GABPB1: variants seen among roughly 807,000 people sequenced by gnomAD.
The protein encoded by GABPB1 is GA binding protein transcription factor subunit beta 1.
Under a neutral mutation model 45.9 loss-of-function variants are expected in GABPB1, and 15 were observed. That is an observed-to-expected ratio of 0.33 (90% confidence interval 0.22 to 0.50). The LOEUF (loss-of-function observed/expected upper bound fraction) is 0.50. GABPB1 is among the 20% of genes least tolerant of loss of function. The pLI is 0.98. For synonymous variants in GABPB1, 143 were observed against 154.4 expected (o/e 0.93, Z 0.55); for missense variants, 252 against 457.5 (o/e 0.55, Z 4.10).
At chr15:50,318,160 CA>C (rs1279933890) in intron 1 of GABPB1, among the ~76,000 whole-genome samples, 1 of 152,128 alleles carries the variant, frequency 6.6e-6, no homozygotes. Context: ...CTCCACTTTG[CA>C]GAGGAAGCAA....
intron 1 of GABPB1, chr15:50,349,806 T>C (rs1429279486): frequency 6.6e-6 from 1 of 152,236 alleles, no homozygotes; most frequent in Non-Finnish European, 1.5e-5. Flanking sequence ...AAAAGTTACA[T>C]CTTAATATCT....
At chr15:50,300,724 T>C in intron 6 of GABPB1, 65 bp downstream of exon 6, 1 of 979,076 alleles carries the variant, frequency 1.0e-6, no homozygotes, top group South Asian at 1.3e-5. Context: ...GGATTACAGG[T>C]GTGAGCCACG....
At chr15:50,299,277 T>C (rs980427006) in intron 6 of GABPB1, among the ~76,000 whole-genome samples, 1 of 152,252 alleles carries the variant, frequency 6.6e-6, no homozygotes. Flanking sequence ...TTTAAAAAAT[T>C]TCCTAATTAA....
intron 8 of GABPB1, among the ~76,000 whole-genome samples, chr15:50,281,815 G>A (rs1380808200): frequency 6.6e-6 from 1 of 152,136 alleles, no homozygotes; most frequent in East Asian, 1.9e-4. Context: ...GATATAGACT[G>A]GGTGCTGGGC....
At chr15:50,294,190 G>A (rs1349023880) in intron 6 of GABPB1, among the ~76,000 whole-genome samples, 1 of 152,106 alleles carries the variant, frequency 6.6e-6, no homozygotes, top group Non-Finnish European at 1.5e-5. Context: ...CTAAAAGATT[G>A]AAAATTCTAC....
At chr15:50,345,813 G>A (rs1213416094) in intron 1 of GABPB1, among the ~76,000 whole-genome samples, 1 of 151,894 alleles carries the variant, frequency 6.6e-6, no homozygotes, top group Admixed American at 6.6e-5. Context: ...CCGGGTACAC[G>A]CCATTCTCCT....
intron 1 of GABPB1, among the ~76,000 whole-genome samples, chr15:50,314,081 TA>T (rs1427203064): frequency 6.6e-6 from 1 of 152,254 alleles, no homozygotes; most frequent in Non-Finnish European, 1.5e-5. Flanking sequence ...TCAATTGTCT[TA>T]ATTATTCAAA....
intron 6 of GABPB1, among the ~76,000 whole-genome samples, chr15:50,291,451 T>C (rs1231715282): frequency 2.0e-5 from 3 of 151,604 alleles, no homozygotes; most frequent in African/African-American, 7.3e-5. Flanking sequence ...CCCAAGTAAC[T>C]GGGAATACAG....
At position 50,281,458 on chromosome 15, in the gene GABPB1, G is replaced by A. The variant is rs541740156; in HGVS notation, c.1000-2674C>T. Reference sequence around the variant, plus strand: ...AATCTCCTGACCTCGTGATCTGCCCGCCTTGGCCTCCCAAAGTGCTAGGAT... The same window carrying A: ...AATCTCCTGACCTCGTGATCTGCCCACCTTGGCCTCCCAAAGTGCTAGGAT... On this transcript the variant is annotated intron_variant, in intron 8 of 8. Transcript: ENST00000380877. 3.8e-3 allele frequency among the ~76,000 whole-genome samples: 576 copies of A among 152,206 alleles called. 3 individuals carry two copies. The highest frequency in any genetic ancestry group is 0.013 in the African/African-American group (533 of 41,518).
chr15:50,354,321 TC>T (rs552027960), intron 1 of GABPB1: 71 of 447,006 alleles, frequency 1.6e-4, no homozygotes, highest in South Asian at 1.1e-3. Context: ...AGGACTCCAG[TC>T]CCCGCGGCCA....
chr15:50,298,214 C>A (rs576127022), intron 6 of GABPB1, among the ~76,000 whole-genome samples: 1 of 152,276 alleles, frequency 6.6e-6, no homozygotes, highest in East Asian at 1.9e-4. Context: ...ACCTCAGCCT[C>A]CCAAGTAGCT....
rs191204650 is a variant in GABPB1 at position 50,299,556 on chromosome 15, C to T, written c.697+1233G>A. On this transcript the variant is annotated intron_variant, in intron 6 of 8. Coordinates refer to ENST00000380877, the MANE Select transcript of GABPB1 (RefSeq NM_016654.5). ...CTGGGATTACAGGCATGGGCCACTA[C>T]GCCTGGCTAATTTTGTATTTTTAGC... 2.2e-4 allele frequency among the ~76,000 whole-genome samples: 33 copies of T among 152,198 alleles called. 1 individual carries two copies. In the East Asian group the frequency reaches 5.6e-3, roughly 26 times the overall value.
intron 1 of GABPB1, among the ~76,000 whole-genome samples, chr15:50,329,495 G>C (rs961323638): frequency 3.9e-5 from 6 of 151,964 alleles, no homozygotes; most frequent in Non-Finnish European, 8.8e-5. Flanking sequence ...ATTACAACTA[G>C]CAATAAAATG....
chr15:50,283,286 G>C (rs935366727), intron 8 of GABPB1, among the ~76,000 whole-genome samples: 31 of 151,874 alleles, frequency 2.0e-4, no homozygotes, highest in Non-Finnish European at 1.3e-4. Context: ...CTTCAATGCG[G>C]TAATAAATGG....
At chr15:50,337,499 G>A (rs889403684) in intron 1 of GABPB1, among the ~76,000 whole-genome samples, 3 of 151,926 alleles carry the variant, frequency 2.0e-5, no homozygotes, top group South Asian at 2.1e-4. Context: ...AGTGGTTCAC[G>A]CCTGTAGTAA....
intron 1 of GABPB1, among the ~76,000 whole-genome samples, chr15:50,324,793 C>T (rs930920519): frequency 3.3e-5 from 5 of 152,030 alleles, no homozygotes; most frequent in South Asian, 2.1e-4. Context: ...GCAATTCGCC[C>T]GCCTTGGCCT....
chr15:50,308,539 A>C (rs1403343918), intron 2 of GABPB1, among the ~76,000 whole-genome samples: 1 of 152,212 alleles, frequency 6.6e-6, no homozygotes, highest in South Asian at 2.1e-4. Flanking sequence ...CTGAAGGTGC[A>C]GCTCTTTGGG....
chr15:50,343,690 C>T (rs1201385990), intron 1 of GABPB1, among the ~76,000 whole-genome samples: 3 of 152,096 alleles, frequency 2.0e-5, no homozygotes, highest in African/African-American at 4.8e-5. Flanking sequence ...AGGCACACAC[C>T]ACCACGCCTA....
intron 1 of GABPB1, among the ~76,000 whole-genome samples, chr15:50,319,883 G>A (rs907322563): frequency 3.3e-5 from 5 of 151,924 alleles, no homozygotes; most frequent in Non-Finnish European, 7.4e-5. Context: ...ACAAACACAT[G>A]TTTACTGTAC....
Sources: gnomAD v4.1 joint callset for allele counts (sites outside exome capture counted in the v4.1 genomes callset) on GRCh38, gnomAD v4.1.1 for gene constraint, MANE v1.5 for transcripts, NCBI Gene and HGNC (gene_info 2026-07-23, HGNC 2026-07-21) for gene names.